The following PAH variants were observed in gnomAD, a reference collection of about 807,000 sequenced individuals.
PAH encodes the protein phenylalanine-4-hydroxylase.
In PAH, 64 loss-of-function variants were observed where a neutral mutation model predicts 62.0. The ratio of observed to expected loss-of-function variants is 1.03; its 90% CI spans 0.84 to 1.27. The LOEUF (loss-of-function observed/expected upper bound fraction) is 1.27. Ranked by LOEUF, PAH falls within the 50% of genes most tolerant of loss-of-function variation. The pLI is 0.00. For missense variants in PAH, 579 were observed against 542.8 expected, an observed-to-expected ratio of 1.07 and a Z score of -0.66; for synonymous variants, 195 against 196.2, an observed-to-expected ratio of 0.99 and a Z score of 0.05.
At chr12:102,958,227 C>G (rs775866258) in exon 1 of PAH, 52 of 1,459,826 alleles carry the variant, frequency 3.6e-5, no homozygotes, top group Non-Finnish European at 4.3e-5. Context: ...TTCCGCGACT[C>G]CTTGGCCGCC....
chr12:102,855,951 C>T (rs1313244206), intron 5 of PAH, among the ~76,000 whole-genome samples: 1 of 151,470 alleles, frequency 6.6e-6, no homozygotes, highest in Non-Finnish European at 1.5e-5. Context: ...TAAGATTCCA[C>T]ATTGTATACA....
intron 3 of PAH, 70 bp from the exon 4 acceptor site, chr12:102,877,620 A>G: frequency 8.8e-7 from 1 of 1,140,854 alleles, no homozygotes; most frequent in Non-Finnish European, 1.3e-6. Flanking sequence ...TGCTGAGATC[A>G]GAAGTGGGGA....
chr12:102,910,940 C>A (rs997507930), intron 2 of PAH, among the ~76,000 whole-genome samples: 3 of 152,164 alleles, frequency 2.0e-5, no homozygotes, highest in Non-Finnish European at 4.4e-5. Flanking sequence ...TATTCTGCTG[C>A]CACTCTCCGC....
At chr12:102,880,828 GA>G (rs1274453885) in intron 3 of PAH, among the ~76,000 whole-genome samples, 3 of 151,970 alleles carry the variant, frequency 2.0e-5, no homozygotes, top group Non-Finnish European at 4.4e-5. Context: ...GAAGCATAAG[GA>G]AATGGAAAGT....
chr12:102,954,148 C>T (rs1313025262), upstream of PAH, among the ~76,000 whole-genome samples: 1 of 152,238 alleles, frequency 6.6e-6, no homozygotes, highest in Non-Finnish European at 1.5e-5. Flanking sequence ...TGCTGAAGCC[C>T]CTTGCATGTG....
intron 7 of PAH, 89 bp downstream of exon 7, chr12:102,852,726 G>A: frequency 6.6e-7 from 1 of 1,520,532 alleles, no homozygotes; most frequent in Non-Finnish European, 9.1e-7. Context: ...CTGTGGACCA[G>A]CCAGCAATGA....
chr12:102,896,622 A>T (rs907483341), intron 2 of PAH, among the ~76,000 whole-genome samples: 39 of 152,208 alleles, frequency 2.6e-4, no homozygotes, highest in Non-Finnish European at 5.1e-4. Flanking sequence ...TACATTCAGG[A>T]CGTCTTCTAT....
chr12:102,850,084 A>G (rs1395532240), intron 8 of PAH, among the ~76,000 whole-genome samples: 1 of 152,236 alleles, frequency 6.6e-6, no homozygotes, highest in Non-Finnish European at 1.5e-5. Flanking sequence ...AAAGGTTCCT[A>G]TTCTTCAAGG....
intron 1 of PAH, among the ~76,000 whole-genome samples, chr12:102,949,716 A>G (rs1457687420): frequency 6.6e-6 from 1 of 152,070 alleles, no homozygotes; most frequent in Non-Finnish European, 1.5e-5. Flanking sequence ...TGACATTAGG[A>G]TGTGTTTGCA....
At chr12:102,871,190 G>C (rs1222127457) in intron 4 of PAH, among the ~76,000 whole-genome samples, 1 of 152,176 alleles carries the variant, frequency 6.6e-6, no homozygotes, top group Non-Finnish European at 1.5e-5. Context: ...AGCCCTTCAA[G>C]GGCTTCTCAT....
upstream of PAH, among the ~76,000 whole-genome samples, chr12:102,917,872 A>G (rs1274742101): frequency 2.0e-5 from 3 of 152,250 alleles, no homozygotes; most frequent in Non-Finnish European, 4.4e-5. Context: ...ATAGGAATAA[A>G]GAAATGCATT....
At chr12:102,926,344 A>G (rs1050893197) in intron 1 of PAH, among the ~76,000 whole-genome samples, 1 of 152,134 alleles carries the variant, frequency 6.6e-6, no homozygotes, top group East Asian at 1.9e-4. Context: ...GGTAGAGGAA[A>G]CATCTATACA....
intron 5 of PAH, 36 bp from the exon 6 acceptor site, chr12:102,855,368 G>C (rs753407816): frequency 6.3e-7 from 1 of 1,587,140 alleles, no homozygotes; most frequent in East Asian, 2.2e-5. Context: ...TCTCAAGCAG[G>C]GCAGGGGCAC....
At chr12:102,868,574 A>G (rs1016739251) in intron 4 of PAH, among the ~76,000 whole-genome samples, 4 of 152,084 alleles carry the variant, frequency 2.6e-5, no homozygotes, top group African/African-American at 9.7e-5. Flanking sequence ...TTAATTACAG[A>G]TTAGAAAGCT....
At chr12:102,917,525 G>A (rs748429144), upstream of PAH, 151 of 309,380 alleles carry the variant, frequency 4.9e-4, 1 homozygote, top group Middle Eastern at 1.1e-3. Context: ...TGGGAAGCGA[G>A]TTCTCTGCAA....
chr12:102,852,428 C>A (rs563369459), intron 7 of PAH, among the ~76,000 whole-genome samples: 8 of 152,144 alleles, frequency 5.3e-5, no homozygotes, highest in Non-Finnish European at 1.0e-4. Context: ...CTACCTCTAC[C>A]CAATACACAA....
At chr12:102,885,210 GA>G (rs1363864278) in intron 3 of PAH, among the ~76,000 whole-genome samples, 1 of 152,136 alleles carries the variant, frequency 6.6e-6, no homozygotes, top group African/African-American at 2.4e-5. Context: ...TGGATTTAGG[GA>G]TAGTCACTTT....
chr12:102,863,851 C>T (rs1360036711), intron 5 of PAH, among the ~76,000 whole-genome samples: 2 of 152,046 alleles, frequency 1.3e-5, no homozygotes, highest in East Asian at 1.9e-4. Flanking sequence ...TCCTATGATC[C>T]GTTTTATCTA....
At chr12:102,851,549 C>A in intron 8 of PAH, 138 bp downstream of exon 8, 1 of 728,468 alleles carries the variant, frequency 1.4e-6, no homozygotes, top group East Asian at 2.6e-5. Context: ...AACCACACAC[C>A]CATTTCAGGT....
Sources: allele counts gnomAD v4.1 joint callset (sites outside exome capture counted in the v4.1 genomes callset), GRCh38; gene constraint gnomAD v4.1.1; transcripts MANE v1.5; gene names NCBI Gene and HGNC (gene_info 2026-07-23, HGNC 2026-07-21).